XKR6: variants seen among roughly 807,000 people sequenced by gnomAD.
XKR6 encodes XK-related protein 6.
XKR6 carries 22 observed loss-of-function variants against 56.7 expected under a neutral mutation model. The observed-to-expected ratio is 0.39, with a 90% confidence interval of 0.28 to 0.55. The LOEUF (loss-of-function observed/expected upper bound fraction) is 0.55. Among genes scored for constraint, XKR6 ranks in the 20% least tolerant of loss-of-function variants. The pLI, the probability that XKR6 is intolerant of heterozygous loss-of-function variation, is 0.66. For missense variants in XKR6, 852 were observed against 889.0 expected (o/e 0.96, Z 0.53); for synonymous variants, 524 against 387.8 (o/e 1.35, Z -4.13).
intron 1 of XKR6, among the ~76,000 whole-genome samples, chr8:11,107,223 G>T (rs1266760863): frequency 6.6e-6 from 1 of 151,014 alleles, no homozygotes; most frequent in Admixed American, 6.6e-5. Context: ...AATAAGAGAT[G>T]GGGTCTCACT....
intron 1 of XKR6, among the ~76,000 whole-genome samples, chr8:11,114,405 G>A (rs1799058992): frequency 6.6e-6 from 1 of 152,148 alleles, no homozygotes. Flanking sequence ...CTGTCACCCA[G>A]GCTAGAGTGC....
At chr8:11,012,405 A>G (rs1046432739) in intron 1 of XKR6, among the ~76,000 whole-genome samples, 1 of 152,240 alleles carries the variant, frequency 6.6e-6, no homozygotes, top group Non-Finnish European at 1.5e-5. Context: ...GAGTTAATAC[A>G]TGTAAAGTGT....
chr8:11,110,265 G>A (rs182043285), intron 1 of XKR6, among the ~76,000 whole-genome samples: 8 of 152,222 alleles, frequency 5.3e-5, no homozygotes, highest in East Asian at 3.9e-4. Context: ...GAGCCACTGC[G>A]CCTGGCCTTA....
chr8:11,201,126 C>T lies in XKR6; in HGVS notation c.214G>A (p.Ala72Thr). The change falls in exon 1 of 3, where the codon GCC (alanine) becomes ACC (threonine). Residue 72 changes from alanine to threonine, a missense_variant. Physicochemically the swap from Ala to Thr is moderately conservative, Grantham distance 58 (BLOSUM62 0). Coordinates refer to ENST00000416569, the MANE Select transcript of XKR6 (RefSeq NM_173683.4). ...CTGCCCAGGAGGGAGCGCAGGCAGG[C>T]GGAGCGGCAGCCCCAGTAGCACGAG... is the stretch of plus-strand genomic sequence containing the variant. ...TSSCYWGCRS[A>T]CLRSLLGRKP... 1.3e-6 allele frequency: 2 copies of T among 1,511,660 alleles called. No homozygotes were observed. The allele number at this position is 1,511,660 out of a possible 1,614,324, so 93.6% of individuals were successfully genotyped here.
chr8:10,992,014 G>C (rs1798004444), intron 1 of XKR6, among the ~76,000 whole-genome samples: 1 of 152,162 alleles, frequency 6.6e-6, no homozygotes, highest in Non-Finnish European at 1.5e-5. Context: ...CAGATGTCAT[G>C]AGACAGCCAT....
At chr8:11,118,122 G>A (rs1022385470) in intron 1 of XKR6, among the ~76,000 whole-genome samples, 5 of 151,990 alleles carry the variant, frequency 3.3e-5, no homozygotes, top group South Asian at 2.1e-4. Context: ...CTTCTCACAC[G>A]TAAGCAAAAA....
chr8:11,169,508 T>A (rs1031761790), intron 1 of XKR6, among the ~76,000 whole-genome samples: 9 of 152,208 alleles, frequency 5.9e-5, no homozygotes, highest in African/African-American at 2.2e-4. Context: ...TTGAAAACAT[T>A]ATGCTAAGTT....
chr8:10,980,380 G>C (rs1797701052), intron 1 of XKR6, among the ~76,000 whole-genome samples: 1 of 152,192 alleles, frequency 6.6e-6, no homozygotes, highest in African/African-American at 2.4e-5. Context: ...GGGTGACAGG[G>C]AGCTATCAAC....
chr8:11,196,533 C>T (rs1803901797), intron 1 of XKR6, among the ~76,000 whole-genome samples: 1 of 152,190 alleles, frequency 6.6e-6, no homozygotes, highest in Admixed American at 6.5e-5. Flanking sequence ...ACTCATGCTT[C>T]CAAGGTAAAG....
intron 2 of XKR6, among the ~76,000 whole-genome samples, chr8:10,916,640 A>G (rs1369024572): frequency 1.3e-5 from 2 of 152,190 alleles, no homozygotes; most frequent in Non-Finnish European, 2.9e-5. Context: ...TTACCCATAG[A>G]AGGGATACTT....
intron 1 of XKR6, among the ~76,000 whole-genome samples, chr8:10,967,404 C>A (rs372533751): frequency 6.6e-6 from 1 of 152,190 alleles, no homozygotes; most frequent in African/African-American, 2.4e-5. Flanking sequence ...AACTGCCTGG[C>A]CCCTGGGTCT....
intron 1 of XKR6, among the ~76,000 whole-genome samples, chr8:11,013,063 A>C (rs570450525): frequency 1.3e-5 from 2 of 152,318 alleles, no homozygotes; most frequent in African/African-American, 4.8e-5. Context: ...TGAATTTCCC[A>C]AGGTCACACA....
intron 1 of XKR6, among the ~76,000 whole-genome samples, chr8:11,171,504 G>C (rs1802366530): frequency 6.6e-6 from 1 of 152,188 alleles, no homozygotes. Flanking sequence ...CTCATGAATA[G>C]ATTCATTCCC....
At chr8:11,194,550 G>A (rs1433772669) in intron 1 of XKR6, 1 of 152,208 alleles carries the variant, frequency 6.6e-6, no homozygotes, top group Non-Finnish European at 1.5e-5. Flanking sequence ...AGCACATCAT[G>A]GGGAGTAAAC....
At chr8:10,992,887 T>G (rs919686886) in intron 1 of XKR6, among the ~76,000 whole-genome samples, 3 of 152,188 alleles carry the variant, frequency 2.0e-5, no homozygotes, top group Non-Finnish European at 4.4e-5. Flanking sequence ...AGTTCCCGAA[T>G]GGTGCTAACC....
At chr8:11,107,896 T>C (rs1798739020) in intron 1 of XKR6, 2 of 227,502 alleles carry the variant, frequency 8.8e-6, no homozygotes, top group African/African-American at 4.7e-5. Context: ...CTGTCTCATG[T>C]ACAAAGAGCA....
chr8:11,152,933 C>T (rs1801336233), intron 1 of XKR6, among the ~76,000 whole-genome samples: 1 of 152,202 alleles, frequency 6.6e-6, no homozygotes, highest in African/African-American at 2.4e-5. Flanking sequence ...ATGGCCCAAG[C>T]TGTAGCCCAC....
intron 1 of XKR6, among the ~76,000 whole-genome samples, chr8:11,168,396 T>A (rs190517330): frequency 6.6e-6 from 1 of 152,066 alleles, no homozygotes; most frequent in Non-Finnish European, 1.5e-5. Context: ...TCCCAAAATA[T>A]AGGAAGCAAG....
chr8:11,143,808 C>A (rs73198946), intron 1 of XKR6, among the ~76,000 whole-genome samples: 7 of 152,278 alleles, frequency 4.6e-5, no homozygotes, highest in Non-Finnish European at 8.8e-5. Context: ...ACTCTGAGGG[C>A]TACCATAACA....
Sources: allele counts gnomAD v4.1 joint callset (sites outside exome capture counted in the v4.1 genomes callset), GRCh38; gene constraint gnomAD v4.1.1; transcripts MANE v1.5; gene names NCBI Gene and HGNC (gene_info 2026-07-23, HGNC 2026-07-21).